AASDH: variants seen among roughly 807,000 people sequenced by gnomAD.
AASDH encodes beta-alanine-activating enzyme.
Under a neutral mutation model 102.3 loss-of-function variants are expected in AASDH, and 81 were observed. The observed-to-expected ratio is 0.79, with a 90% confidence interval of 0.66 to 0.95. The LOEUF is 0.95. Ranked by LOEUF, AASDH falls within the 40% of genes least tolerant of loss-of-function variation. AASDH has a pLI of 0.00. For synonymous variants in AASDH, 398 were observed against 454.0 expected (o/e 0.88, Z 1.57); for missense variants, 1,203 against 1,266.2 (o/e 0.95, Z 0.76).
rs79451123 is a variant in AASDH at position 56,378,290 on chromosome 4, T to G, written c.526A>C (p.Asn176His). 1.9e-6 allele frequency: 3 copies of G among 1,614,136 alleles called. No homozygotes were observed. Among genetic ancestry groups the G allele is most frequent in the Non-Finnish European group, 2.5e-6 (3 of 1,180,052 alleles). Reference protein sequence around the residue: ...KIKSISSEHVNEEKAEEHMDL... With the variant: ...KIKSISSEHVHEEKAEEHMDL... ...ATGTGTTCTTCTGCTTTTTCTTCAT[T>G]GACATGCTCAGAACTTATGCTTTTT... The change falls in exon 4 of 15, where the codon AAT becomes CAT. Residue 176 changes from asparagine (N) to histidine (H), a missense_variant. Transcript: ENST00000205214.
chr4:56,378,890 T>C (rs58757171), intron 3 of AASDH, among the ~76,000 whole-genome samples: 1 of 150,420 alleles, frequency 6.6e-6, no homozygotes. Context: ...TTTTTATTTA[T>C]TTTTTTTTTT....
chr4:56,352,718 T>C (rs1749146521), intron 9 of AASDH, among the ~76,000 whole-genome samples: 2 of 152,156 alleles, frequency 1.3e-5, no homozygotes, highest in Admixed American at 1.3e-4. Context: ...CTTGCATCAC[T>C]GCTTAAGCTA....
intron 1 of AASDH, among the ~76,000 whole-genome samples, chr4:56,386,728 G>A (rs1407061018): frequency 7.2e-6 from 1 of 138,838 alleles, no homozygotes; most frequent in African/African-American, 2.7e-5. Flanking sequence ...GGGAAGCGGA[G>A]CTTGCAGTGA....
intron 13 of AASDH, 49 bp from the exon 14 acceptor site, chr4:56,343,015 C>A: frequency 6.8e-7 from 1 of 1,470,152 alleles, no homozygotes; most frequent in Non-Finnish European, 9.1e-7. Context: ...TCCTACTAAT[C>A]AGTTACCCTT....
intron 3 of AASDH, among the ~76,000 whole-genome samples, chr4:56,381,448 T>G (rs1752932367): frequency 6.6e-6 from 1 of 151,932 alleles, no homozygotes; most frequent in Non-Finnish European, 1.5e-5. Flanking sequence ...TGTGGTGGCA[T>G]GCACCTGTAA....
chr4:56,346,693 G>GGAAAAA (rs571881932), intron 11 of AASDH, among the ~76,000 whole-genome samples: 104 of 152,152 alleles, frequency 6.8e-4, no homozygotes, highest in African/African-American at 2.5e-3. Context: ...CTTAAAAATG[G>GGAAAAA]GAAAAAGATT....
At chr4:56,357,327 A>G (rs1749751958) in intron 5 of AASDH, among the ~76,000 whole-genome samples, 1 of 152,156 alleles carries the variant, frequency 6.6e-6, no homozygotes, top group Admixed American at 6.5e-5. Flanking sequence ...GGTAGAAGGA[A>G]CCAAAAAGCA....
intron 4 of AASDH, among the ~76,000 whole-genome samples, chr4:56,373,242 C>T (rs530269230): frequency 3.3e-5 from 5 of 152,088 alleles, no homozygotes; most frequent in Admixed American, 1.3e-4. Context: ...CAAGTTCGAG[C>T]GATTCTCCTG....
Position 56,342,883 on chromosome 4 carries a change from A to T in AASDH, c.2859T>A (p.Ile953=). ...SPQCCSQYIC[I]GCVDGNLLCF... ...AGAGTAAATTCCCATCTACACAGCC[A>T]ATACAAATATACTGTGAGCAACATT... The change falls in exon 14 of 15, where the codon ATT becomes ATA. Residue 953 remains isoleucine, a synonymous_variant. Transcript: ENST00000205214. 6.4e-7 allele frequency: 1 copy of T among 1,574,786 alleles called. No individual in the cohort carries two copies. The highest frequency in any genetic ancestry group is 8.6e-7 in the Non-Finnish European group (1 of 1,159,836).
chr4:56,351,574 G>A (rs1463494298), intron 9 of AASDH, 117 bp from the exon 10 acceptor site: 1 of 600,922 alleles, frequency 1.7e-6, no homozygotes, highest in Non-Finnish European at 2.9e-6. Context: ...ATCATATAAA[G>A]AGTTTGTTGT....
At chr4:56,365,753 C>T (rs1750915743) in intron 5 of AASDH, among the ~76,000 whole-genome samples, 2 of 151,860 alleles carry the variant, frequency 1.3e-5, no homozygotes, top group African/African-American at 2.4e-5. Context: ...ACTAAATGCC[C>T]ACAAGAGAAA....
chr4:56,373,834 G>T (rs1190841559), intron 4 of AASDH, among the ~76,000 whole-genome samples: 1 of 15,200 alleles, frequency 6.6e-5, no homozygotes, highest in Non-Finnish European at 1.3e-4. Context: ...AGTTCATGTA[G>T]TTCCATGTAG....
intron 5 of AASDH, among the ~76,000 whole-genome samples, 170 bp from the exon 6 acceptor site, chr4:56,355,593 G>GTTTTTTTTTTTT (rs149149581): frequency 2.2e-5 from 2 of 91,908 alleles, no homozygotes; most frequent in Non-Finnish European, 4.1e-5. Flanking sequence ...TTATCTTCTT[G>GTTTTTTTTTTTT]TTTTTTTTTT....
At chr4:56,351,686 C>T (rs529024501) in intron 9 of AASDH, among the ~76,000 whole-genome samples, 3 of 152,144 alleles carry the variant, frequency 2.0e-5, no homozygotes, top group Admixed American at 2.0e-4. Context: ...AACCCCAACA[C>T]TTTGGGAGGC....
intron 14 of AASDH, among the ~76,000 whole-genome samples, chr4:56,339,134 CTTTT>C (rs1185482147): frequency 2.0e-5 from 3 of 151,486 alleles, no homozygotes; most frequent in Admixed American, 1.3e-4. Context: ...TCAATATTAT[CTTTT>C]TTTAATTTTT....
At chr4:56,365,044 A>G (rs1424304359) in intron 5 of AASDH, among the ~76,000 whole-genome samples, 11 of 152,178 alleles carry the variant, frequency 7.2e-5, no homozygotes, top group Non-Finnish European at 1.5e-4. Context: ...CAAATGGAAA[A>G]CAAAAAAAGG....
intron 4 of AASDH, among the ~76,000 whole-genome samples, chr4:56,376,806 G>A (rs1162535529): frequency 2.6e-5 from 4 of 152,064 alleles, no homozygotes; most frequent in African/African-American, 7.2e-5. Flanking sequence ...GGTGGCTCAC[G>A]CCTGTAATCC....
chr4:56,354,735 T>C lies in AASDH; in HGVS notation c.1180A>G (p.Ile394Val). 2 of 1,607,434 alleles carry C rather than the reference T, an allele frequency of 1.2e-6. No individual in the cohort carries two copies. The highest frequency in any genetic ancestry group is 2.7e-5 in the African/African-American group (2 of 74,792). ...VEVRDTNGFT[I>V]QEGSGQVFLG... ...AATACTTGGCCACTGCCTTCCTGAA[T>C]TGTGAAGCCATTAGTATCTCTGACT... The change falls in exon 7 of 15, where the codon ATT becomes GTT. Residue 394 changes from isoleucine to valine, a missense_variant. Ile to Val is a conservative substitution (Grantham distance 29). Transcript: ENST00000205214.
At chr4:56,373,192 T>C (rs969962150) in intron 4 of AASDH, among the ~76,000 whole-genome samples, 1 of 152,196 alleles carries the variant, frequency 6.6e-6, no homozygotes, top group African/African-American at 2.4e-5. Flanking sequence ...CAAGGTGGAG[T>C]GCAGTGGCAT....
Sources: allele counts gnomAD v4.1 joint callset (sites outside exome capture counted in the v4.1 genomes callset), GRCh38; gene constraint gnomAD v4.1.1; transcripts MANE v1.5; gene names NCBI Gene and HGNC (gene_info 2026-07-23, HGNC 2026-07-21).